Variants in TMEM230 observed in about 807,000 individuals in gnomAD.
TMEM230 encodes UPF0414 transmembrane protein C20orf30.
A neutral mutation model predicts 15.8 loss-of-function variants in TMEM230; 10 were observed. That is an observed-to-expected ratio of 0.63 (90% CI 0.39 to 1.07). The LOEUF (loss-of-function observed/expected upper bound fraction) is 1.07, where lower values mean the gene tolerates loss of function less well. TMEM230 is among the 50% of genes least tolerant of loss of function. TMEM230 has a pLI of 0.01. For missense variants in TMEM230, 165 were observed against 193.3 expected (o/e 0.85, Z 0.87); for synonymous variants, 67 against 76.9 (o/e 0.87, Z 0.68).
the TMEM230 span, among the ~76,000 whole-genome samples, chr20:5,062,529 G>T: frequency 6.6e-6 from 1 of 152,160 alleles, no homozygotes; most frequent in Non-Finnish European, 1.5e-5. Flanking sequence ...GCCAAGGCAG[G>T]CCAATTGCTT....
chr20:5,102,711 A>G (rs1362053857), intron 4 of TMEM230, among the ~76,000 whole-genome samples: 1 of 147,652 alleles, frequency 6.8e-6, no homozygotes, highest in African/African-American at 2.5e-5. Context: ...AAAAAAAAAG[A>G]ATACTAATCC....
intron 4 of TMEM230, among the ~76,000 whole-genome samples, chr20:5,104,668 T>C (rs2089999067): frequency 6.6e-6 from 1 of 152,196 alleles, no homozygotes; most frequent in Non-Finnish European, 1.5e-5. Flanking sequence ...GGTACATATA[T>C]GCAATGGAGT....
At chr20:5,110,404 C>T (rs1206219080) in intron 2 of TMEM230, among the ~76,000 whole-genome samples, 1 of 152,034 alleles carries the variant, frequency 6.6e-6, no homozygotes, top group Non-Finnish European at 1.5e-5. Flanking sequence ...CCTGCCTCAG[C>T]CTCCTGAGTA....
intron 2 of TMEM230, among the ~76,000 whole-genome samples, chr20:5,110,442 G>A (rs1377134602): frequency 1.3e-5 from 2 of 151,940 alleles, no homozygotes; most frequent in East Asian, 1.9e-4. Flanking sequence ...GTGCCACCAC[G>A]CCTGGCTAAT....
At chr20:5,069,343 C>T (rs559592694) in exon 4 of TMEM230, 27 of 1,531,494 alleles carry the variant, frequency 1.8e-5, no homozygotes, top group South Asian at 9.6e-5. Flanking sequence ...GAGGTGGATT[C>T]GAGACTCTGA....
exon 4 of TMEM230, chr20:5,069,147 A>T: frequency 6.9e-7 from 1 of 1,458,842 alleles, no homozygotes; most frequent in Non-Finnish European, 9.1e-7. Context: ...TTTTCAGTTT[A>T]GCCCTTTTAA....
At chr20:5,087,577 C>G in intron 3 of TMEM230, among the ~76,000 whole-genome samples, 1 of 151,474 alleles carries the variant, frequency 6.6e-6, no homozygotes, top group Non-Finnish European at 1.5e-5. Context: ...CCTCTACCTC[C>G]TCTCCCCTGG....
At chr20:5,106,082 C>G (rs2090072862) in intron 4 of TMEM230, 106 bp downstream of exon 3, 1 of 477,452 alleles carries the variant, frequency 2.1e-6, no homozygotes, top group Non-Finnish European at 2.7e-6. Context: ...CGGACAAACA[C>G]ACACACACAC....
At chr20:5,091,154 G>A (rs1023122991) in intron 3 of TMEM230, among the ~76,000 whole-genome samples, 9 of 152,238 alleles carry the variant, frequency 5.9e-5, no homozygotes, top group African/African-American at 2.2e-4. Context: ...ATGGGTCACA[G>A]AGCCCAGCTA....
intron 3 of TMEM230, among the ~76,000 whole-genome samples, chr20:5,085,913 G>T (rs1176955200): frequency 6.6e-6 from 1 of 152,114 alleles, no homozygotes; most frequent in African/African-American, 2.4e-5. Context: ...GCAGGTGGTT[G>T]TCAGGCCATA....
At position 5,106,443 on chromosome 20, in the gene TMEM230, GC is replaced by G; in HGVS notation, c.289-134del. ...TTTGAGATGGAGTTTCGTTCTTGTT[GC>G]CCAGGCTAGAGAGCAATGGCGTGAT... On this transcript the variant is annotated intron_variant, in intron 3 of 4. Transcript: ENST00000342308. 5 of 1,134,240 alleles carry G rather than the reference GC, an allele frequency of 4.4e-6. No individual in the cohort carries two copies. The South Asian group carries it at 5.0e-5, about 11-fold the overall frequency. The allele number at this position is 1,134,240 out of a possible 1,614,324, so 70.3% of individuals were successfully genotyped here.
At chr20:5,107,500 T>A (rs1048499778) in intron 3 of TMEM230, among the ~76,000 whole-genome samples, 2 of 152,244 alleles carry the variant, frequency 1.3e-5, no homozygotes, top group African/African-American at 2.4e-5. Flanking sequence ...TCTCATTCCA[T>A]AAATCATTCA....
chr20:5,112,812 G>A (rs2090380267), intron 1 of TMEM230, 149 bp downstream of exon 1: 1 of 1,512,810 alleles, frequency 6.6e-7, no homozygotes. Context: ...AAACAAAACG[G>A]GCTTCTGGAA....
chr20:5,106,350 T>C (rs753844927), intron 3 of TMEM230, 40 bp from the exon 3 acceptor site: 34 of 1,562,038 alleles, frequency 2.2e-5, no homozygotes, highest in Non-Finnish European at 2.9e-5. Context: ...ACGAAGAACA[T>C]TAATGCAAAT....
At chr20:5,109,249 G>T in intron 3 of TMEM230, 83 bp downstream of exon 2, 1 of 1,112,566 alleles carries the variant, frequency 9.0e-7, no homozygotes, top group Non-Finnish European at 1.3e-6. Context: ...AGGACAGTTA[G>T]CAAAATCTCC....
At chr20:5,111,888 C>T (rs191199980) in intron 1 of TMEM230, 2 of 685,938 alleles carry the variant, frequency 2.9e-6, no homozygotes, top group Admixed American at 6.3e-5. Context: ...GCTCTGTCAC[C>T]CAGGCTAGAG....
chr20:5,104,920 C>T (rs923084072), intron 4 of TMEM230, among the ~76,000 whole-genome samples: 1 of 152,326 alleles, frequency 6.6e-6, no homozygotes, highest in South Asian at 2.1e-4. Context: ...AATATAGTTA[C>T]ATAGAATGAA....
chr20:5,108,232 C>CAACATGGAGA (rs2090170999), intron 3 of TMEM230, among the ~76,000 whole-genome samples: 1 of 152,084 alleles, frequency 6.6e-6, no homozygotes, highest in Non-Finnish European at 1.5e-5. Context: ...CCAGCCTGAC[C>CAACATGGAGA]AACATGGAGA....
chr20:5,063,130 T>G, the TMEM230 span, among the ~76,000 whole-genome samples: 1 of 151,934 alleles, frequency 6.6e-6, no homozygotes, highest in Non-Finnish European at 1.5e-5. Flanking sequence ...TTTCCTATCC[T>G]GTCTCAACGC....
Sources: allele counts gnomAD v4.1 joint callset (sites outside exome capture counted in the v4.1 genomes callset), GRCh38; gene constraint gnomAD v4.1.1; transcripts MANE v1.5; gene names NCBI Gene and HGNC (gene_info 2026-07-23, HGNC 2026-07-21).